IRF1: variants seen among roughly 807,000 people sequenced by gnomAD.
The protein encoded by IRF1 is interferon regulatory factor-1.
Under a neutral mutation model 43.7 loss-of-function variants are expected in IRF1, and 13 were observed. The observed-to-expected ratio is 0.30, with a 90% CI of 0.19 to 0.47. The LOEUF is 0.47. Among genes scored for constraint, IRF1 ranks in the 20% least tolerant of loss-of-function variants. The probability of loss-of-function intolerance (pLI) is 0.99; values close to 1 mark genes in which losing one functional copy is unlikely to be tolerated. For missense variants in IRF1, 236 were observed against 408.9 expected (o/e 0.58, Z 3.65); for synonymous variants, 138 against 146.8 (o/e 0.94, Z 0.43).
chr5:132,489,338 C>G lies in IRF1; in HGVS notation c.87+54G>C. On this transcript the variant is annotated intron_variant, in intron 2 of 9. Coordinates refer to ENST00000245414, the MANE Select transcript of IRF1 (RefSeq NM_002198.3). ...AGCTGCATCTGAAGCTTTGGTCCCT[C>G]CAGAAGTACATGGGTTAAAACAGTG... 2.2e-6 allele frequency: 3 copies of G among 1,349,990 alleles called. No homozygotes were observed. The South Asian group carries it at 3.5e-5, about 16-fold the overall frequency. 83.6% of individuals were successfully genotyped at this position (1,349,990 alleles called of 1,614,324 possible).
intron 8 of IRF1, 103 bp downstream of exon 8, chr5:132,485,564 G>A: frequency 1.1e-6 from 1 of 921,370 alleles, no homozygotes; most frequent in South Asian, 1.3e-5. Flanking sequence ...GCAGCCAGGT[G>A]ACAACAGCAG....
In IRF1 at chr5:132,489,498, C is replaced by T. The variant is rs367629205; in HGVS notation, c.-5-15G>A. ...GGGCATGTTGGCTGTAAAGAGAACACAGAGGCTCCAGTCTGGAATCTGTTG... is the reference window on the plus strand; with the variant it reads ...GGGCATGTTGGCTGTAAAGAGAACATAGAGGCTCCAGTCTGGAATCTGTTG... On this transcript the variant is annotated splice_polypyrimidine_tract_variant and intron_variant, in intron 1 of 9. Coordinates refer to ENST00000245414, the MANE Select transcript of IRF1 (RefSeq NM_002198.3). The T allele has an allele frequency of 4.6e-5, 73 of 1,603,876 alleles. No individual in the cohort carries two copies. The highest frequency in any genetic ancestry group is 5.6e-5 in the Non-Finnish European group (65 of 1,171,048).
chr5:132,485,849 A>ACACACACACACACACACACACAC lies in IRF1; in HGVS notation c.668-134_668-133insGTGTGTGTGTGTGTGTGTGTGTG, dbSNP rs111906639. ...CTCTGACACACACACACACACACAC[A>ACACACACACACACACACACACAC]CCCTCCCGGTGGACCTATCTGCCAT... On this transcript the variant is annotated intron_variant, in intron 7 of 9. Transcript: ENST00000245414. 3.2e-3 allele frequency: 2,161 copies of ACACACACACACACACACACACAC among 669,668 alleles called. 49 individuals carry two copies. The African/African-American group carries it at 0.036, about 11-fold the overall frequency. 41.5% of individuals were successfully genotyped at this position (669,668 alleles called of 1,614,324 possible). A position where few individuals can be genotyped will look rare whatever the true frequency, so the allele number is the denominator to read the frequency against.
In IRF1 at chr5:132,487,909, G is replaced by A. The variant is rs757714691; in HGVS notation, c.187+17C>T. 2 of 1,597,498 alleles carry A rather than the reference G, an allele frequency of 1.3e-6. No individual in the cohort carries two copies. Among genetic ancestry groups the A allele is most frequent in the Non-Finnish European group, 1.7e-6 (2 of 1,165,350 alleles). ...TCTCTACCCTGGGCTTCCTAGGCCTGAGTCCCAGGCACACACCTGTGTGAA... is the reference window on the plus strand; with the variant it reads ...TCTCTACCCTGGGCTTCCTAGGCCTAAGTCCCAGGCACACACCTGTGTGAA... On this transcript the variant is annotated intron_variant, in intron 3 of 9. Transcript: ENST00000245414.
chr5:132,485,571 G>T, intron 8 of IRF1, 96 bp downstream of exon 8: 1 of 966,774 alleles, frequency 1.0e-6, no homozygotes, highest in Non-Finnish European at 1.7e-6. Context: ...GGTGACAACA[G>T]CAGCTACCCA....
Position 132,487,982 on chromosome 5 carries a change from T to C in IRF1, c.131A>G (p.His44Arg), listed in dbSNP as rs1300897126. 2 of 1,613,652 alleles carry C rather than the reference T, an allele frequency of 1.2e-6. No individual in the cohort carries two copies. ...FQIPWKHAAK[H>R]GWDINKDACL... ...GGCATCCTTGTTGATGTCCCAGCCATGCTTGGCAGCATGCTTCCATGGGAT... is the reference window on the plus strand; with the variant it reads ...GGCATCCTTGTTGATGTCCCAGCCACGCTTGGCAGCATGCTTCCATGGGAT... The change falls in exon 3 of 10, where the codon CAT becomes CGT. Residue 44 changes from histidine (H) to arginine (R), a missense_variant. By Grantham distance (29) the His-to-Arg change is conservative. Coordinates refer to ENST00000245414, the MANE Select transcript of IRF1 (RefSeq NM_002198.3).
chr5:132,486,458 C>CCTGCA, intron 6 of IRF1, 85 bp from the exon 7 acceptor site: 1 of 1,610,418 alleles, frequency 6.2e-7, no homozygotes, highest in Non-Finnish European at 8.5e-7. Context: ...AACCCTGCAG[C>CCTGCA]CTGCACTAAT....
rs200378665 is a variant in IRF1, at chr5:132,486,807, C to T, written c.402G>A (p.Lys134=). The change falls in exon 5 of 10, where the codon AAG becomes AAA. Residue 134 remains lysine, a synonymous_variant. Transcript: ENST00000245414. ...KSKSSRDAKS[K]AKRKSCGDSS... ...GGACCACACTCACCTTCCTCTTGGC[C>T]TTGCTCTTAGCATCTCGGCTGGACT... The T allele has an allele frequency of 3.7e-6, 6 of 1,614,246 alleles. No individual in the cohort carries two copies. Among genetic ancestry groups the T allele is most frequent in the Non-Finnish European group, 5.1e-6 (6 of 1,180,042 alleles).
chr5:132,485,448 T>C, intron 8 of IRF1: 1 of 589,558 alleles, frequency 1.7e-6, no homozygotes, highest in Non-Finnish European at 3.1e-6. Flanking sequence ...CAAGGCTTGC[T>C]TCAGGACGGC....
At chr5:132,489,294 G>T (rs1267546419) in intron 2 of IRF1, 98 bp downstream of exon 2, 2 of 943,100 alleles carry the variant, frequency 2.1e-6, no homozygotes, top group Non-Finnish European at 3.5e-6. Flanking sequence ...TGCTTGTCCC[G>T]TTATCACTTC....
chr5:132,489,895 G>GTTGTAA (rs2126843645), intron 1 of IRF1: 1 of 194,710 alleles, frequency 5.1e-6, no homozygotes, highest in African/African-American at 2.3e-5. Flanking sequence ...CCACTAGCTA[G>GTTGTAA]CAAAGGGCTA....
chr5:132,489,382 T>C lies in IRF1; in HGVS notation c.87+10A>G. 1 of 1,603,906 alleles carries C rather than the reference T, an allele frequency of 6.2e-7. No individual in the cohort carries two copies. The highest frequency in any genetic ancestry group is 8.5e-7 in the Non-Finnish European group (1 of 1,170,966). ...AACAGTGGCAGGAAAACCCAAAGAG[T>C]TACACTCACTTTATTAATCCAGATG... On this transcript the variant is annotated intron_variant, in intron 2 of 9. Transcript: ENST00000245414.
intron 7 of IRF1, 151 bp downstream of exon 7, chr5:132,486,100 G>A (rs1006741647): frequency 1.8e-5 from 19 of 1,052,978 alleles, no homozygotes; most frequent in Admixed American, 1.0e-4. Context: ...TGTCCCCGTC[G>A]CTTGCCTCCC....
chr5:132,488,062 G>T, intron 2 of IRF1, 37 bp from the exon 3 acceptor site: 2 of 1,485,056 alleles, frequency 1.3e-6, no homozygotes, highest in Non-Finnish European at 1.9e-6. Flanking sequence ...GCTGTGTCAG[G>T]TCAGAGACCA....
Position 132,483,800 on chromosome 5 carries a change from A to G in IRF1, c.*151T>C, listed in dbSNP as rs190321767. 2.4e-3 allele frequency: 2,211 copies of G among 940,026 alleles called. 4 individuals are homozygous for G. The highest frequency in any genetic ancestry group is 3.2e-3 in the Admixed American group (117 of 36,694). The allele number at this position is 940,026 out of a possible 1,614,324, so 58.2% of individuals were successfully genotyped here. On this transcript the variant is annotated 3_prime_UTR_variant, in exon 10 of 10. Coordinates refer to ENST00000245414, the MANE Select transcript of IRF1 (RefSeq NM_002198.3). ...TGGCCTGCCAGGCCCTGAGAGGTCAATGACCCAAGGAGGGAGGCCCCATCC... is the reference window on the plus strand; with the variant it reads ...TGGCCTGCCAGGCCCTGAGAGGTCAGTGACCCAAGGAGGGAGGCCCCATCC...
intron 2 of IRF1, 135 bp downstream of exon 2, chr5:132,489,257 C>T (rs914586440): frequency 1.4e-6 from 1 of 696,644 alleles, no homozygotes; most frequent in East Asian, 2.7e-5. Flanking sequence ...ACACTCCCTG[C>T]ATGCAGGACC....
rs1035716741 is a variant in IRF1 at position 132,483,871 on chromosome 5, A to T, written c.*80T>A. On this transcript the variant is annotated 3_prime_UTR_variant, in exon 10 of 10. Coordinates refer to ENST00000245414, the MANE Select transcript of IRF1 (RefSeq NM_002198.3). ...ACTTGGCTGTTGAGGGGCCCACAGAAGTCCAGCTTCTCTGCACCATATCCA... is the reference window on the plus strand; with the variant it reads ...ACTTGGCTGTTGAGGGGCCCACAGATGTCCAGCTTCTCTGCACCATATCCA... 14 of 1,559,942 alleles carry T rather than the reference A, an allele frequency of 9.0e-6. No homozygotes were observed. The highest frequency in any genetic ancestry group is 1.2e-5 in the Non-Finnish European group (14 of 1,143,384).
At chr5:132,489,010 G>A (rs539755983) in intron 2 of IRF1, 97 of 209,890 alleles carry the variant, frequency 4.6e-4, no homozygotes, top group Non-Finnish European at 8.1e-4. Context: ...CCTCTGCTAA[G>A]CCAGGCACGT....
intron 5 of IRF1, 32 bp downstream of exon 5, chr5:132,486,762 AC>A: frequency 1.9e-6 from 3 of 1,614,170 alleles, no homozygotes; most frequent in Non-Finnish European, 2.5e-6. Flanking sequence ...CCCACAGGTG[AC>A]CAAAGGCCTG....
Sources: allele counts gnomAD v4.1 joint callset, GRCh38; gene constraint gnomAD v4.1.1; transcripts MANE v1.5; gene names NCBI Gene and HGNC (gene_info 2026-07-23, HGNC 2026-07-21).